CPNE4: variants seen among roughly 807,000 people sequenced by gnomAD.
CPNE4 encodes the protein copine 4, also known as copine-4.
Under a neutral mutation model 67.9 loss-of-function variants are expected in CPNE4, and 25 were observed. The ratio of observed to expected loss-of-function variants is 0.37; its 90% CI spans 0.27 to 0.51. The LOEUF (loss-of-function observed/expected upper bound fraction) is 0.51. CPNE4 is among the 20% of genes least tolerant of loss of function. The pLI is 0.93. For synonymous variants in CPNE4, 242 were observed against 244.9 expected, an observed-to-expected ratio of 0.99 and a Z score of 0.11; for missense variants, 464 against 690.8, an observed-to-expected ratio of 0.67 and a Z score of 3.68.
At chr3:131,952,651 C>T (rs1467162226) in intron 1 of CPNE4, among the ~76,000 whole-genome samples, 3 of 149,718 alleles carry the variant, frequency 2.0e-5, no homozygotes, top group African/African-American at 7.4e-5. Context: ...CCAGCCGCCC[C>T]GTCTGGGAGG....
chr3:131,747,668 G>T (rs1413349024), intron 2 of CPNE4, among the ~76,000 whole-genome samples: 1 of 152,052 alleles, frequency 6.6e-6, no homozygotes, highest in Non-Finnish European at 1.5e-5. Flanking sequence ...CACATGCCCA[G>T]CTGGTTTCTA....
In CPNE4 at chr3:131,536,192, T is replaced by C. The variant is rs569004142; in HGVS notation, c.1540-863A>G. Among the ~76,000 whole-genome samples, 133 of 152,294 alleles carry C rather than the reference T, an allele frequency of 8.7e-4. 1 individual carries two copies. The highest frequency in any genetic ancestry group is 2.2e-3 in the Admixed American group (33 of 15,290). ...TGATGGAGAGTCTTGAATACCACAC[T>C]AATTCATTTAGCCTTTATTCTATCA... On this transcript the variant is annotated intron_variant, in intron 15 of 15. Transcript: ENST00000429747.
chr3:131,880,559 G>T (rs1474225207), intron 2 of CPNE4, among the ~76,000 whole-genome samples: 1 of 152,160 alleles, frequency 6.6e-6, no homozygotes, highest in African/African-American at 2.4e-5. Context: ...TAAAGATGAG[G>T]TACATTCTCC....
At chr3:131,752,568 T>C (rs2082656238) in intron 2 of CPNE4, among the ~76,000 whole-genome samples, 1 of 152,188 alleles carries the variant, frequency 6.6e-6, no homozygotes, top group African/African-American at 2.4e-5. Flanking sequence ...CATCCTTCTT[T>C]CCAACTTTTA....
chr3:131,680,529 G>C (rs2080721218), intron 6 of CPNE4, among the ~76,000 whole-genome samples: 3 of 151,824 alleles, frequency 2.0e-5, no homozygotes. Context: ...TAATGACTCT[G>C]TCTTGAAAAG....
At chr3:131,604,864 A>G (rs1237614457) in intron 7 of CPNE4, among the ~76,000 whole-genome samples, 3 of 152,144 alleles carry the variant, frequency 2.0e-5, no homozygotes, top group Admixed American at 2.0e-4. Context: ...CTTGGCAGTC[A>G]GAGGTCACAA....
chr3:131,644,975 C>T lies in CPNE4; in HGVS notation c.681+24700G>A, dbSNP rs894336723. Among the ~76,000 whole-genome samples the T allele has an allele frequency of 3.9e-5, 6 of 152,096 alleles. 1 individual carries two copies. Among genetic ancestry groups the T allele is most frequent in the Non-Finnish European group, 5.9e-5 (4 of 68,008 alleles). On this transcript the variant is annotated intron_variant, in intron 7 of 15. Transcript: ENST00000429747. ...GAGACCAAGAGTAATGTCACACAAG[C>T]AAAAAGCTTCTGATGAACTGGAACT...
intron 2 of CPNE4, among the ~76,000 whole-genome samples, chr3:131,820,743 C>G (rs2107968202): frequency 6.6e-6 from 1 of 152,296 alleles, no homozygotes; most frequent in Middle Eastern, 3.4e-3. Context: ...ACACTCATCT[C>G]TTTTAAATTT....
intron 2 of CPNE4, among the ~76,000 whole-genome samples, chr3:131,868,911 T>C (rs1380411393): frequency 6.6e-6 from 1 of 152,080 alleles, no homozygotes; most frequent in Non-Finnish European, 1.5e-5. Context: ...ACCACCTCTG[T>C]AAAGGACTCA....
intron 2 of CPNE4, among the ~76,000 whole-genome samples, chr3:131,784,642 T>C (rs2083510147): frequency 6.6e-6 from 1 of 152,140 alleles, no homozygotes; most frequent in Non-Finnish European, 1.5e-5. Flanking sequence ...TCAAAAAGTC[T>C]CCAGTGGGAT....
chr3:131,560,524 A>G (rs1318525487), intron 11 of CPNE4, among the ~76,000 whole-genome samples: 1 of 152,080 alleles, frequency 6.6e-6, no homozygotes, highest in Non-Finnish European at 1.5e-5. Context: ...CACAAAGGAC[A>G]GAGTTAGCCC....
intron 2 of CPNE4, among the ~76,000 whole-genome samples, chr3:131,753,073 T>C (rs2082670263): frequency 6.6e-6 from 1 of 151,664 alleles, no homozygotes; most frequent in Admixed American, 6.6e-5. Context: ...AGGCTTGGTA[T>C]AGGAATAAAC....
At position 131,633,846 on chromosome 3, in the gene CPNE4, C is replaced by G. The variant is rs375616309; in HGVS notation, c.681+35829G>C. Among the ~76,000 whole-genome samples the G allele has an allele frequency of 1.4e-3, 218 of 152,094 alleles. 4 individuals are homozygous for G. In the South Asian group the frequency reaches 0.019, roughly 13 times the overall value. ...TTGGCAGATGATTTTGGTTCACTCCCCTTTCCCTTCTTTATTTAGAATCAT... is the reference window on the plus strand; with the variant it reads ...TTGGCAGATGATTTTGGTTCACTCCGCTTTCCCTTCTTTATTTAGAATCAT... On this transcript the variant is annotated intron_variant, in intron 7 of 15. Coordinates refer to ENST00000429747, the MANE Select transcript of CPNE4 (RefSeq NM_130808.3).
chr3:131,675,381 A>G (rs2080529374), intron 6 of CPNE4, among the ~76,000 whole-genome samples: 1 of 152,082 alleles, frequency 6.6e-6, no homozygotes, highest in African/African-American at 2.4e-5. Flanking sequence ...TTCTGACTGG[A>G]TGATCTATCC....
At chr3:131,899,996 C>T (rs1175890549) in intron 2 of CPNE4, among the ~76,000 whole-genome samples, 3 of 152,068 alleles carry the variant, frequency 2.0e-5, no homozygotes, top group African/African-American at 7.2e-5. Context: ...ATTATCCCTT[C>T]TGTGCTGCTA....
At chr3:132,039,023 A>C (rs193179964), upstream of CPNE4, among the ~76,000 whole-genome samples, 212 of 152,280 alleles carry the variant, frequency 1.4e-3, no homozygotes, top group Non-Finnish European at 2.3e-3. Flanking sequence ...AAATCAAGTA[A>C]AATTAAAAGT....
chr3:131,792,737 G>A (rs13094794), intron 2 of CPNE4, among the ~76,000 whole-genome samples: 121 of 117,758 alleles, frequency 1.0e-3, no homozygotes, highest in East Asian at 2.3e-3. Flanking sequence ...ATACACGTGT[G>A]TATATATGTA....
chr3:131,627,735 G>A (rs1175550494), intron 7 of CPNE4, among the ~76,000 whole-genome samples: 1 of 152,222 alleles, frequency 6.6e-6, no homozygotes, highest in Admixed American at 6.5e-5. Flanking sequence ...AGGAATTCAA[G>A]ACTTCAGTGG....
At chr3:132,026,916 A>T (rs1243044790) in intron 1 of CPNE4, among the ~76,000 whole-genome samples, 4 of 152,212 alleles carry the variant, frequency 2.6e-5, no homozygotes, top group African/African-American at 9.6e-5. Flanking sequence ...CAAAACAGCT[A>T]TTAAGTGCCA....
Sources: allele counts gnomAD v4.1 joint callset (sites outside exome capture counted in the v4.1 genomes callset), GRCh38; gene constraint gnomAD v4.1.1; transcripts MANE v1.5; gene names NCBI Gene and HGNC (gene_info 2026-07-23, HGNC 2026-07-21).